Variants in STPG2 observed in about 807,000 individuals in gnomAD.
The protein encoded by STPG2 is sperm tail PG-rich repeat containing 2.
A neutral mutation model predicts 54.2 loss-of-function variants in STPG2; 56 were observed. The observed-to-expected ratio is 1.03, with a 90% CI of 0.83 to 1.29. The LOEUF is 1.29. STPG2 is among the 50% of genes most tolerant of loss of function. STPG2 has a pLI of 0.00. For synonymous variants in STPG2, 200 were observed against 181.8 expected (o/e 1.10, Z -0.81); for missense variants, 596 against 544.9 (o/e 1.09, Z -0.93).
At chr4:97,853,561 C>T (rs1011247694) in intron 8 of STPG2, among the ~76,000 whole-genome samples, 3 of 152,060 alleles carry the variant, frequency 2.0e-5, no homozygotes, top group Non-Finnish European at 4.4e-5. Flanking sequence ...ATAAAACATT[C>T]AATAAAAAGG....
intron 5 of STPG2, among the ~76,000 whole-genome samples, chr4:98,084,482 G>GA (rs1268446804): frequency 6.6e-6 from 1 of 152,278 alleles, no homozygotes; most frequent in African/African-American, 2.4e-5. Context: ...GAATAGGAGT[G>GA]AAATTGTGGT....
chr4:97,713,348 T>A (rs1302242142), intron 9 of STPG2, among the ~76,000 whole-genome samples: 1 of 152,022 alleles, frequency 6.6e-6, no homozygotes, highest in East Asian at 1.9e-4. Context: ...AGCCAATGGG[T>A]TCCAACTTGT....
chr4:97,700,195 C>G (rs183623743), intron 10 of STPG2, among the ~76,000 whole-genome samples: 1 of 152,130 alleles, frequency 6.6e-6, no homozygotes, highest in Non-Finnish European at 1.5e-5. Context: ...AGTCATCATC[C>G]CTATCTGCCA....
chr4:97,547,633 A>T (rs2148865709), intron 4 of STPG2, among the ~76,000 whole-genome samples: 1 of 152,278 alleles, frequency 6.6e-6, no homozygotes, highest in Admixed American at 6.5e-5. Context: ...GGCTGCTGGG[A>T]GTTTATAAAG....
chr4:97,451,826 T>C lies in STPG2; in HGVS notation c.462+260873A>G, dbSNP rs193077876. Among the ~76,000 whole-genome samples the C allele has an allele frequency of 3.0e-4, 45 of 152,302 alleles. 1 individual carries two copies. The highest frequency in any genetic ancestry group is 1.0e-3 in the African/African-American group (42 of 41,566). ...ATAATTCTTCCTACTCAAATTCCCA[T>C]AGAAATTACTAATAAAATATGCAAT... On this transcript the variant is annotated intron_variant, in intron 4 of 4. Coordinates refer to the STPG2 transcript ENST00000522676.
intron 8 of STPG2, among the ~76,000 whole-genome samples, chr4:97,860,689 G>C (rs968511935): frequency 6.6e-6 from 1 of 151,650 alleles, no homozygotes; most frequent in East Asian, 1.9e-4. Context: ...TGAGTCGTTG[G>C]GGTTTTCTAG....
intron 4 of STPG2, among the ~76,000 whole-genome samples, chr4:97,530,813 CAG>C (rs142876936): frequency 0.018 from 2,738 of 152,232 alleles, 71 homozygotes; most frequent in African/African-American, 0.063. Flanking sequence ...GTGAGCTGTG[CAG>C]AGTTTGTGCA....
At chr4:98,125,639 C>G (rs1739808580) in intron 3 of STPG2, among the ~76,000 whole-genome samples, 1 of 152,178 alleles carries the variant, frequency 6.6e-6, no homozygotes, top group Non-Finnish European at 1.5e-5. Context: ...CTCACCCAGA[C>G]AGGAGGAACA....
chr4:97,995,959 A>T (rs1560627842), intron 5 of STPG2, among the ~76,000 whole-genome samples: 1 of 152,214 alleles, frequency 6.6e-6, no homozygotes, highest in Non-Finnish European at 1.5e-5. Flanking sequence ...GACAAAAAAA[A>T]TTCCATGCTC....
intron 4 of STPG2, among the ~76,000 whole-genome samples, chr4:97,462,550 T>C (rs1220438559): frequency 6.6e-6 from 1 of 152,060 alleles, no homozygotes. Flanking sequence ...TACCTTCTTC[T>C]ATTTGTTTAT....
At chr4:98,047,124 T>A (rs1390634515) in intron 5 of STPG2, among the ~76,000 whole-genome samples, 1 of 151,850 alleles carries the variant, frequency 6.6e-6, no homozygotes, top group Non-Finnish European at 1.5e-5. Flanking sequence ...TGTTCACACA[T>A]CCATTTAAAC....
intron 1 of STPG2, 72 bp downstream of exon 1, chr4:98,142,969 CA>C: frequency 7.5e-7 from 1 of 1,326,442 alleles, no homozygotes; most frequent in Admixed American, 1.9e-5. Context: ...GTTTAACTCA[CA>C]AGCACGCAGA....
At chr4:97,718,156 T>C (rs1362459490) in intron 9 of STPG2, among the ~76,000 whole-genome samples, 1 of 152,072 alleles carries the variant, frequency 6.6e-6, no homozygotes, top group Non-Finnish European at 1.5e-5. Flanking sequence ...ATATTACATG[T>C]ACAAATCAGG....
chr4:97,884,132 G>T (rs1024808377), intron 8 of STPG2, among the ~76,000 whole-genome samples: 1 of 152,032 alleles, frequency 6.6e-6, no homozygotes, highest in Non-Finnish European at 1.5e-5. Flanking sequence ...GGGAAGAGAG[G>T]GGGGAAAGGA....
At chr4:97,899,989 C>T (rs1731112216) in intron 8 of STPG2, among the ~76,000 whole-genome samples, 1 of 150,500 alleles carries the variant, frequency 6.6e-6, no homozygotes. Flanking sequence ...AACAGACAAC[C>T]TACAGAATGG....
At chr4:98,043,433 G>GT (rs1158419453) in intron 5 of STPG2, among the ~76,000 whole-genome samples, 2 of 151,542 alleles carry the variant, frequency 1.3e-5, no homozygotes, top group Non-Finnish European at 2.9e-5. Flanking sequence ...TGTCTTTTGT[G>GT]TTTTTTTGTA....
At chr4:97,915,088 A>C (rs891090151) in intron 8 of STPG2, among the ~76,000 whole-genome samples, 1 of 152,166 alleles carries the variant, frequency 6.6e-6, no homozygotes, top group African/African-American at 2.4e-5. Flanking sequence ...CCAGGACAAC[A>C]TATTCTTAAT....
At chr4:97,992,165 T>C (rs1188253255) in intron 5 of STPG2, among the ~76,000 whole-genome samples, 1 of 152,190 alleles carries the variant, frequency 6.6e-6, no homozygotes, top group African/African-American at 2.4e-5. Context: ...GGTCATGAAG[T>C]CTTTGCCTAG....
intron 5 of STPG2, among the ~76,000 whole-genome samples, chr4:98,077,388 G>A (rs1017640001): frequency 2.0e-5 from 3 of 151,974 alleles, no homozygotes; most frequent in Admixed American, 6.5e-5. Context: ...GACTACAGGC[G>A]CGTACCACCA....
Sources: allele counts gnomAD v4.1 joint callset (sites outside exome capture counted in the v4.1 genomes callset), GRCh38; gene constraint gnomAD v4.1.1; transcripts MANE v1.5; gene names NCBI Gene and HGNC (gene_info 2026-07-23, HGNC 2026-07-21).